NEK10: variants seen among roughly 807,000 people sequenced by gnomAD.
The protein encoded by NEK10 is NIMA related kinase 10.
A neutral mutation model predicts 159.8 loss-of-function variants in NEK10; 122 were observed. The ratio of observed to expected loss-of-function variants is 0.76; its 90% CI spans 0.66 to 0.89. NEK10 has a LOEUF of 0.89. NEK10 is among the 40% of genes least tolerant of loss of function. The probability of loss-of-function intolerance (pLI) is 0.00; values close to 1 mark genes in which losing one functional copy is unlikely to be tolerated. For missense variants in NEK10, 1,342 were observed against 1,323.1 expected, an observed-to-expected ratio of 1.01 and a Z score of -0.22; for synonymous variants, 466 against 457.1, an observed-to-expected ratio of 1.02 and a Z score of -0.25.
Position 27,192,083 on chromosome 3 carries a change from C to T in NEK10, c.2451G>A (p.Met817Ile), listed in dbSNP as rs1270098226. ...RERRRTQRYF[M>I]EANRNTVTCH... ...ATGTGACGGTGTTCCGGTTGGCTTC[C>T]ATAAAATACCTTTGTGTGCGTCTTC... The change falls in exon 26 of 36, where the codon ATG (methionine) becomes ATA (isoleucine). Residue 817 changes from methionine to isoleucine, a missense_variant. Transcript: ENST00000691995. 1 of 1,614,074 alleles carries T rather than the reference C, an allele frequency of 6.2e-7. No individual in the cohort carries two copies. The highest frequency in any genetic ancestry group is 8.5e-7 in the Non-Finnish European group (1 of 1,180,036).
At chr3:27,274,784 G>A (rs2041645813) in intron 22 of NEK10, among the ~76,000 whole-genome samples, 1 of 152,072 alleles carries the variant, frequency 6.6e-6, no homozygotes, top group African/African-American at 2.4e-5. Flanking sequence ...TGGAAATGCT[G>A]ATGACATAAT....
chr3:27,350,750 T>C (rs1027786484), intron 3 of NEK10, among the ~76,000 whole-genome samples: 5 of 152,102 alleles, frequency 3.3e-5, no homozygotes, highest in East Asian at 3.9e-4. Flanking sequence ...GCCTGCCAGG[T>C]GTTATCAAGC....
chr3:27,349,794 T>C (rs2047836951), intron 3 of NEK10, among the ~76,000 whole-genome samples: 1 of 152,146 alleles, frequency 6.6e-6, no homozygotes, highest in Admixed American at 6.6e-5. Flanking sequence ...GGGCAGTTCT[T>C]TCTCTTGAGT....
At chr3:27,143,100 T>C (rs1490654068) in intron 30 of NEK10, among the ~76,000 whole-genome samples, 2 of 152,200 alleles carry the variant, frequency 1.3e-5, no homozygotes, top group Non-Finnish European at 2.9e-5. Context: ...GTCTGCTCCA[T>C]CTTGTGGAGA....
intron 5 of NEK10, among the ~76,000 whole-genome samples, chr3:27,334,085 A>G (rs1467475656): frequency 6.6e-6 from 1 of 152,154 alleles, no homozygotes; most frequent in Non-Finnish European, 1.5e-5. Context: ...CCTCCATGCC[A>G]GAGCATACAG....
chr3:27,364,348 TTGTGTGTGTG>T (rs4016621), intron 1 of NEK10, among the ~76,000 whole-genome samples: 17,664 of 120,382 alleles, frequency 0.15, 1,637 homozygotes, highest in Non-Finnish European at 0.2. Flanking sequence ...GCCTGGCTAA[TTGTGTGTGTG>T]TGTGTGTGTG....
chr3:27,152,465 G>T (rs1944976291), intron 30 of NEK10, among the ~76,000 whole-genome samples: 1 of 152,106 alleles, frequency 6.6e-6, no homozygotes, highest in Admixed American at 6.5e-5. Context: ...CCACTACCAA[G>T]CCACCACTAC....
intron 22 of NEK10, 42 bp from the exon 23 acceptor site, chr3:27,256,413 CAG>C (rs759934061): frequency 2.4e-6 from 3 of 1,244,672 alleles, no homozygotes; most frequent in African/African-American, 3.1e-5. Flanking sequence ...TATATTTTCC[CAG>C]AGTTATCATT....
Position 27,146,930 on chromosome 3 carries a change from TA to T in NEK10, c.2870-5349del, listed in dbSNP as rs551873635. Among the ~76,000 whole-genome samples the T allele has an allele frequency of 1.3e-4, 19 of 152,000 alleles. No individual in the cohort carries two copies. In the East Asian group the frequency reaches 3.5e-3, roughly 28 times the overall value. On this transcript the variant is annotated intron_variant, in intron 30 of 35. Coordinates refer to ENST00000691995, the MANE Select transcript of NEK10 (RefSeq NM_001394966.1). ...TCAGTTTAGCTGGTGTGCAGTACAA[TA>T]AAAAAAGTACAGTATGTATACAGCT...
At chr3:27,138,203 G>C (rs999888950) in intron 31 of NEK10, among the ~76,000 whole-genome samples, 1 of 152,150 alleles carries the variant, frequency 6.6e-6, no homozygotes, top group Non-Finnish European at 1.5e-5. Flanking sequence ...TCGCTCCCCA[G>C]AGAATTCCAT....
chr3:27,145,550 T>TC (rs1486092497), intron 30 of NEK10, among the ~76,000 whole-genome samples: 1 of 152,172 alleles, frequency 6.6e-6, no homozygotes, highest in African/African-American at 2.4e-5. Flanking sequence ...CTATTTTGTT[T>TC]CCCCTTTGCA....
chr3:27,261,616 A>T (rs1349170708), intron 22 of NEK10, among the ~76,000 whole-genome samples: 1 of 152,134 alleles, frequency 6.6e-6, no homozygotes, highest in Non-Finnish European at 1.5e-5. Context: ...GTTCTTTTAC[A>T]TTTGCTGAGG....
rs1559462083 is a variant in NEK10 at position 27,108,686 on chromosome 3, A to C, written c.*2586T>G. Among the ~76,000 whole-genome samples, 1 of 152,242 alleles carries C rather than the reference A, an allele frequency of 6.6e-6. No individual in the cohort carries two copies. The highest frequency in any genetic ancestry group is 1.9e-4 in the East Asian group (1 of 5,204). The stretch of plus-strand genomic sequence containing the variant: ...TATAAATGCAATCAAGAAAAGATTA[A>C]GAGGTCTATGAAGTTCATGTAACAA... On this transcript the variant is annotated 3_prime_UTR_variant, in exon 36 of 36. Coordinates refer to ENST00000691995, the MANE Select transcript of NEK10 (RefSeq NM_001394966.1).
chr3:27,278,581 C>T, intron 22 of NEK10: 1 of 499,046 alleles, frequency 2.0e-6, no homozygotes, highest in Non-Finnish European at 2.6e-6. Context: ...CAGAAATTCA[C>T]ATAGCCTGTT....
chr3:27,237,910 C>T (rs17019552), intron 23 of NEK10, among the ~76,000 whole-genome samples: 2,388 of 152,240 alleles, frequency 0.016, 53 homozygotes, highest in African/African-American at 0.055. Flanking sequence ...GGCTGTGTCA[C>T]CAATAATACA....
intron 32 of NEK10, among the ~76,000 whole-genome samples, chr3:27,123,329 G>A (rs1255600095): frequency 1.3e-5 from 2 of 152,126 alleles, no homozygotes; most frequent in Admixed American, 1.3e-4. Context: ...AAGAAACACT[G>A]GAGCTGATCT....
chr3:27,132,166 GA>G (rs1263567784), intron 31 of NEK10, among the ~76,000 whole-genome samples, 176 bp from the exon 32 acceptor site: 1 of 152,106 alleles, frequency 6.6e-6, no homozygotes, highest in Non-Finnish European at 1.5e-5. Context: ...CTGCGATTCA[GA>G]AGGAATATAT....
At chr3:27,172,954 T>C (rs1242558583) in intron 28 of NEK10, among the ~76,000 whole-genome samples, 4 of 152,160 alleles carry the variant, frequency 2.6e-5, no homozygotes, top group African/African-American at 7.2e-5. Flanking sequence ...GCTGCCATTG[T>C]AGCATGAAAG....
chr3:27,274,553 C>G (rs1227635331), intron 22 of NEK10, among the ~76,000 whole-genome samples: 1 of 152,020 alleles, frequency 6.6e-6, no homozygotes, highest in Non-Finnish European at 1.5e-5. Flanking sequence ...ACATATAGCT[C>G]TAACATTACA....
Sources: gnomAD v4.1 joint callset for allele counts (sites outside exome capture counted in the v4.1 genomes callset) on GRCh38, gnomAD v4.1.1 for gene constraint, MANE v1.5 for transcripts, NCBI Gene and HGNC (gene_info 2026-07-23, HGNC 2026-07-21) for gene names.